Variants in TTBK2 observed in about 807,000 individuals in gnomAD.
TTBK2 encodes tau-tubulin kinase 2.
Under a neutral mutation model 110.8 loss-of-function variants are expected in TTBK2, and 28 were observed. The ratio of observed to expected loss-of-function variants is 0.25; its 90% CI spans 0.19 to 0.35. TTBK2 has a LOEUF of 0.35. Ranked by LOEUF, TTBK2 falls within the 10% of genes least tolerant of loss-of-function variation. TTBK2 has a pLI of 1.00. For synonymous variants in TTBK2, 532 were observed against 527.3 expected, an observed-to-expected ratio of 1.01 and a Z score of -0.12; for missense variants, 1,369 against 1,500.3, an observed-to-expected ratio of 0.91 and a Z score of 1.45.
At chr15:42,823,566 G>C (rs557782746) in intron 6 of TTBK2, among the ~76,000 whole-genome samples, 61 of 152,210 alleles carry the variant, frequency 4.0e-4, no homozygotes, top group African/African-American at 1.4e-3. Flanking sequence ...TTTATGTTTT[G>C]AGGAAGTTCT....
intron 11 of TTBK2, among the ~76,000 whole-genome samples, chr15:42,782,633 T>C (rs1890225910): frequency 6.6e-6 from 1 of 152,242 alleles, no homozygotes; most frequent in Non-Finnish European, 1.5e-5. Context: ...TTTATCCAGA[T>C]GTTCAAAATG....
chr15:42,879,319 G>A (rs1417421177), intron 1 of TTBK2, among the ~76,000 whole-genome samples: 1 of 152,138 alleles, frequency 6.6e-6, no homozygotes, highest in Non-Finnish European at 1.5e-5. Flanking sequence ...AAGATACATT[G>A]TTTAGTGAAA....
intron 13 of TTBK2, among the ~76,000 whole-genome samples, chr15:42,766,697 C>A (rs1341271498): frequency 2.0e-5 from 3 of 152,194 alleles, no homozygotes; most frequent in East Asian, 1.9e-4. Context: ...GACTTTAACA[C>A]CCCACTGTCA....
Position 42,744,379 on chromosome 15 carries a change from G to A in TTBK2, c.*1416C>T, listed in dbSNP as rs2061767449. 6.6e-6 allele frequency: 1 copy of A among 152,202 alleles called. No individual in the cohort carries two copies. Among genetic ancestry groups the A allele is most frequent in the Non-Finnish European group, 1.5e-5 (1 of 67,986 alleles). The allele number at this position is 152,202 out of a possible 1,614,324, so 9.4% of individuals were successfully genotyped here. A position where few individuals can be genotyped will look rare whatever the true frequency, so the allele number is the denominator to read the frequency against. ...CAATTCAACTGTATTAGGTTTGGCA[G>A]CAAACACAAGGTCAAACAGAAAGCA... On this transcript the variant is annotated 3_prime_UTR_variant, in exon 15 of 15. Coordinates refer to ENST00000267890, the MANE Select transcript of TTBK2 (RefSeq NM_173500.4).
At chr15:42,836,105 G>T (rs1892974829) in intron 4 of TTBK2, among the ~76,000 whole-genome samples, 1 of 152,028 alleles carries the variant, frequency 6.6e-6, no homozygotes. Context: ...AGCTTCAGTG[G>T]TGACAAAATA....
intron 2 of TTBK2, 141 bp from the exon 3 acceptor site, chr15:42,872,899 T>C (rs771293389): frequency 1.1e-4 from 120 of 1,065,874 alleles, no homozygotes; most frequent in Admixed American, 7.0e-4. Context: ...AAATTAACTA[T>C]GTATATGCCA....
At chr15:42,765,631 T>G (rs1290562738) in intron 13 of TTBK2, among the ~76,000 whole-genome samples, 1 of 152,114 alleles carries the variant, frequency 6.6e-6, no homozygotes, top group Non-Finnish European at 1.5e-5. Context: ...AAAGACCAAA[T>G]CTACATTTGA....
At chr15:42,884,817 T>C (rs1331499820) in intron 1 of TTBK2, among the ~76,000 whole-genome samples, 2 of 152,190 alleles carry the variant, frequency 1.3e-5, no homozygotes, top group African/African-American at 4.8e-5. Context: ...CACGTATACA[T>C]CCAGATGGCC....
intron 2 of TTBK2, among the ~76,000 whole-genome samples, chr15:42,873,731 T>C (rs1894703910): frequency 6.6e-6 from 1 of 152,198 alleles, no homozygotes; most frequent in East Asian, 1.9e-4. Flanking sequence ...CAAGTGCACC[T>C]GTAGTGTCTG....
At chr15:42,794,589 T>A in intron 10 of TTBK2, 55 bp downstream of exon 10, 8 of 1,613,142 alleles carry the variant, frequency 5.0e-6, no homozygotes, top group Non-Finnish European at 8.5e-7. Flanking sequence ...AGTAAATTTT[T>A]GCAAATATAA....
At chr15:42,788,122 T>C (rs1890488375) in intron 10 of TTBK2, among the ~76,000 whole-genome samples, 1 of 152,100 alleles carries the variant, frequency 6.6e-6, no homozygotes, top group African/African-American at 2.4e-5. Flanking sequence ...CTGTCATATA[T>C]GCGGTGTATC....
chr15:42,852,339 GA>G (rs1893753978), intron 3 of TTBK2, among the ~76,000 whole-genome samples: 1 of 152,144 alleles, frequency 6.6e-6, no homozygotes, highest in African/African-American at 2.4e-5. Flanking sequence ...AAAGTGCTGG[GA>G]TTACAGGCGT....
chr15:42,908,481 G>C (rs2030548953), intron 1 of TTBK2, among the ~76,000 whole-genome samples: 1 of 152,084 alleles, frequency 6.6e-6, no homozygotes, highest in Non-Finnish European at 1.5e-5. Context: ...AAAACAAAAA[G>C]TATAGATTAG....
At chr15:42,808,126 C>T (rs954875831) in intron 9 of TTBK2, among the ~76,000 whole-genome samples, 2 of 152,130 alleles carry the variant, frequency 1.3e-5, no homozygotes, top group African/African-American at 2.4e-5. Context: ...AAGCAAATTT[C>T]GACCTTTACT....
At chr15:42,836,415 A>G (rs1488452480) in intron 4 of TTBK2, among the ~76,000 whole-genome samples, 1 of 152,216 alleles carries the variant, frequency 6.6e-6, no homozygotes, top group Non-Finnish European at 1.5e-5. Flanking sequence ...ATGTCAAATA[A>G]GAGAAAATAT....
At position 42,739,001 on chromosome 15, in the gene TTBK2, A is replaced by C. The variant is rs951949322; in HGVS notation, c.*6794T>G. 4 of 152,270 alleles carry C rather than the reference A, an allele frequency of 2.6e-5. No homozygotes were observed. The highest frequency in any genetic ancestry group is 9.6e-5 in the African/African-American group (4 of 41,472). The allele number at this position is 152,270 out of a possible 1,614,324, so 9.4% of individuals were successfully genotyped here. A position where few individuals can be genotyped will look rare whatever the true frequency, so the allele number is the denominator to read the frequency against. On this transcript the variant is annotated 3_prime_UTR_variant, in exon 15 of 15. Transcript: ENST00000267890. ...TTGCATGCGGAATGAATATTTTATT[A>C]CTAGGTTATAAAAATAAAATACAAA...
chr15:42,854,674 AAACCAAAT>A (rs929460161), intron 3 of TTBK2, among the ~76,000 whole-genome samples: 6 of 152,074 alleles, frequency 3.9e-5, no homozygotes, highest in Non-Finnish European at 8.8e-5. Context: ...TCAAATCCTT[AAACCAAAT>A]GAAAATTTCC....
chr15:42,810,078 C>A (rs1465222206), intron 9 of TTBK2, among the ~76,000 whole-genome samples: 5 of 152,154 alleles, frequency 3.3e-5, no homozygotes, highest in Non-Finnish European at 7.3e-5. Context: ...TTCTGAAATA[C>A]CGCTGGTTGG....
chr15:42,820,714 G>A (rs757303988), intron 6 of TTBK2, among the ~76,000 whole-genome samples: 1 of 152,008 alleles, frequency 6.6e-6, no homozygotes, highest in African/African-American at 2.4e-5. Context: ...AAAAAAAAGG[G>A]GTCGGGCCAG....
Sources: gnomAD v4.1 joint callset for allele counts (sites outside exome capture counted in the v4.1 genomes callset) on GRCh38, gnomAD v4.1.1 for gene constraint, MANE v1.5 for transcripts, NCBI Gene and HGNC (gene_info 2026-07-23, HGNC 2026-07-21) for gene names.